Variants in RYR1 observed in about 807,000 individuals in gnomAD.
RYR1 encodes ryanodine receptor 1.
RYR1 carries 342 observed loss-of-function variants against 583.5 expected under a neutral mutation model. The observed-to-expected ratio is 0.59, with a 90% CI of 0.54 to 0.64. The LOEUF (loss-of-function observed/expected upper bound fraction) is 0.64, where lower values mean the gene tolerates loss of function less well. Ranked by LOEUF, RYR1 falls within the 30% of genes least tolerant of loss-of-function variation. The probability of loss-of-function intolerance (pLI) is 0.00; values close to 1 mark genes in which losing one functional copy is unlikely to be tolerated. For missense variants in RYR1, 6,032 were observed against 6,917.2 expected (o/e 0.87, Z 4.54); for synonymous variants, 2,791 against 2,822.5 (o/e 0.99, Z 0.35).
chr19:38,468,652 T>C (rs1310809303), intron 25 of RYR1, among the ~76,000 whole-genome samples: 1 of 152,222 alleles, frequency 6.6e-6, no homozygotes, highest in East Asian at 1.9e-4. Context: ...TTCCTTTCCA[T>C]CCCTCTACTT....
In RYR1 at chr19:38,473,629, G is replaced by A. The variant is rs1023831950; in HGVS notation, c.4018G>A (p.Gly1340Ser). Residue 1340 changes from glycine (G) to serine (S), a missense_variant, in exon 28 of 106, where the codon GGC becomes AGC. Gly to Ser is a moderately conservative substitution (Grantham distance 56, BLOSUM62 0). Transcript: ENST00000359596. ...DYENLRRSAG[G>S]WSEAENGKEG... ...CGAAAACCTGCGCCGCTCAGCTGGG[G>A]GCTGGAGCGAGGCAGAGAACGGCAA... The A allele has an allele frequency of 6.4e-7, 1 of 1,563,444 alleles. No homozygotes were observed. Among genetic ancestry groups the A allele is most frequent in the African/African-American group, 1.4e-5 (1 of 73,804 alleles).
rs193922760 is a variant in RYR1, at chr19:38,446,520, A to T, written c.680A>T (p.Asp227Val). The T allele has an allele frequency of 6.2e-7, 1 of 1,614,100 alleles. No homozygotes were observed. ...HVLRLFHGHM[D>V]ECLTISPADS... ...CTCCGCCTCTTTCATGGACATATGG[A>T]TGAGTGTCTGACCATTTCCCCTGCT... The change falls in exon 8 of 106, where the codon GAT becomes GTT. Residue 227 changes from aspartate (D) to valine (V), a missense_variant. This residue lies in a region of RYR1 where 338 missense variants were observed against 441.6 expected (regional missense o/e 0.77). Transcript: ENST00000359596.
At chr19:38,538,218 T>G (rs1326617749) in intron 84 of RYR1, among the ~76,000 whole-genome samples, 3 of 152,038 alleles carry the variant, frequency 2.0e-5, no homozygotes, top group African/African-American at 7.2e-5. Context: ...GCCAACATGG[T>G]GAAACCCCGT....
In RYR1 at chr19:38,577,307, A is replaced by G. The variant is rs1974002368; in HGVS notation, c.14173-611A>G. 2.0e-5 allele frequency among the ~76,000 whole-genome samples: 3 copies of G among 152,210 alleles called. No individual in the cohort carries two copies. In the South Asian group the frequency reaches 6.2e-4, roughly 31 times the overall value. ...ATGTACTACATGAGCAGTATCTGGC[A>G]TATAGGAGAACACTAGATATGTTGG... On this transcript the variant is annotated intron_variant, in intron 97 of 105. Transcript: ENST00000359596.
chr19:38,516,246 G>T, intron 65 of RYR1, 29 bp downstream of exon 65: 3 of 1,576,754 alleles, frequency 1.9e-6, no homozygotes, highest in East Asian at 2.3e-5. Flanking sequence ...GAGCAGTGCT[G>T]GGAGTCCAAA....
At chr19:38,446,065 A>G (rs1600648331) in intron 7 of RYR1, among the ~76,000 whole-genome samples, 1 of 152,076 alleles carries the variant, frequency 6.6e-6, no homozygotes, top group Admixed American at 6.6e-5. Flanking sequence ...CTCAGACCCA[A>G]CCATCACCCT....
rs923436076 is a variant in RYR1, at chr19:38,505,924, G to A, written c.8519G>A (p.Arg2840Gln). ...EEEKTEKKKT[R>Q]KISQSAQTYD... ...GAGAAGACGGAAAAGAAAAAAACGC[G>A]GAAGATATCACAAAGTGCCCAGGTG... The change falls in exon 54 of 106, where the codon CGG becomes CAG. Residue 2840 changes from arginine to glutamine, a missense_variant. Around this residue, in one of 11 missense-constraint regions of RYR1, gnomAD observed 1,493 missense variants for 1,715.5 expected, o/e 0.87. Coordinates refer to ENST00000359596, the MANE Select transcript of RYR1 (RefSeq NM_000540.3). The A allele has an allele frequency of 5.6e-6, 9 of 1,613,514 alleles. No individual in the cohort carries two copies. The highest frequency in any genetic ancestry group is 1.3e-5 in the African/African-American group (1 of 74,846).
chr19:38,466,658 C>T (rs535924488), intron 24 of RYR1, among the ~76,000 whole-genome samples: 61 of 152,150 alleles, frequency 4.0e-4, no homozygotes, highest in South Asian at 1.9e-3. Context: ...GGTGCCACCA[C>T]GCCTGGCTAA....
intron 101 of RYR1, among the ~76,000 whole-genome samples, chr19:38,583,780 A>G (rs1555804923): frequency 6.6e-6 from 1 of 151,590 alleles, no homozygotes; most frequent in Non-Finnish European, 1.5e-5. Flanking sequence ...GGCCTGACAT[A>G]CACACACACC....
In RYR1 at chr19:38,469,003, G is replaced by A. The variant is rs748318655; in HGVS notation, c.3419G>A (p.Arg1140His). 2.4e-5 allele frequency: 38 copies of A among 1,613,952 alleles called. No individual in the cohort carries two copies. The highest frequency in any genetic ancestry group is 4.0e-5 in the African/African-American group (3 of 74,888). ...CACTTGGGCAGTGAACCATTTGGGC[G>A]CCCCTGGCAGCCGGGCGATGTCGTT... ...RWHLGSEPFG[R>H]PWQPGDVVGC... is the part of the protein sequence containing the mutation. The change falls in exon 26 of 106, where the codon CGC (arginine) becomes CAC (histidine). Residue 1140 changes from arginine (R) to histidine (H), a missense_variant. By Grantham distance (29) the Arg-to-His change is conservative. Coordinates refer to ENST00000359596, the MANE Select transcript of RYR1 (RefSeq NM_000540.3).
chr19:38,469,238 C>T (rs1488289606), intron 26 of RYR1, 67 bp from the exon 27 acceptor site: 10 of 1,606,674 alleles, frequency 6.2e-6, no homozygotes, highest in African/African-American at 2.7e-5. Flanking sequence ...ATCCCTACCT[C>T]CTCCCCTCGG....
At position 38,496,580 on chromosome 19, in the gene RYR1, C is replaced by T. The variant is rs1568496780; in HGVS notation, c.6796+39C>T. 6.2e-7 allele frequency: 1 copy of T among 1,611,970 alleles called. No homozygotes were observed. Among genetic ancestry groups the T allele is most frequent in the Non-Finnish European group, 8.5e-7 (1 of 1,179,470 alleles). ...AGCCCAGGGGCTGTCCCCCAGAACC[C>T]ACTCCTGGCACCCCGTCCAGGCCTG... On this transcript the variant is annotated intron_variant, in intron 41 of 105. Coordinates refer to ENST00000359596, the MANE Select transcript of RYR1 (RefSeq NM_000540.3). This position sits in a 1 kb window ranked among gnomAD's most constrained non-coding sequence, Gnocchi z 4.8.
In RYR1 at chr19:38,528,637, C is replaced by T; in HGVS notation, c.10976C>T (p.Ala3659Val). 1.2e-6 allele frequency: 2 copies of T among 1,614,168 alleles called. No homozygotes were observed. Among genetic ancestry groups the T allele is most frequent in the Non-Finnish European group, 1.7e-6 (2 of 1,180,024 alleles). The change falls in exon 75 of 106, where the codon GCT (alanine) becomes GTT (valine). Residue 3659 changes from alanine to valine, a missense_variant. Around this residue, in one of 11 missense-constraint regions of RYR1, gnomAD observed 1,493 missense variants for 1,715.5 expected, o/e 0.87. Transcript: ENST00000359596. ...ACNMFLESYK[A>V]AWILTEDHSF... is the part of the protein sequence containing the mutation. ...AACATGTTCCTGGAGAGCTACAAGG[C>T]TGCATGGATCCTGACTGAAGACCAC... is the stretch of plus-strand genomic sequence containing the variant.
rs982977392 is a variant in RYR1 at position 38,460,724 on chromosome 19, G to A, written c.2577+133G>A. The A allele has an allele frequency of 3.5e-6, 3 of 867,066 alleles. No individual in the cohort carries two copies. The African/African-American group carries it at 5.0e-5, about 14-fold the overall frequency. 53.7% of individuals were successfully genotyped at this position (867,066 alleles called of 1,614,324 possible). ...CAGGCGTGGTGGCTCACGCCTGTAAGCCCAGCAATTTGGGAGGCCGAGGCG... is the reference window on the plus strand; with the variant it reads ...CAGGCGTGGTGGCTCACGCCTGTAAACCCAGCAATTTGGGAGGCCGAGGCG... On this transcript the variant is annotated intron_variant, in intron 20 of 105. Coordinates refer to ENST00000359596, the MANE Select transcript of RYR1 (RefSeq NM_000540.3).
chr19:38,449,159 G>A (rs980196826), intron 11 of RYR1, among the ~76,000 whole-genome samples: 2 of 152,068 alleles, frequency 1.3e-5, no homozygotes, highest in African/African-American at 4.8e-5. Context: ...GAAAGATAGA[G>A]ACAGAGAAAC....
At chr19:38,573,911 C>A (rs112358948) in intron 96 of RYR1, among the ~76,000 whole-genome samples, 1 of 152,024 alleles carries the variant, frequency 6.6e-6, no homozygotes, top group African/African-American at 2.4e-5. Flanking sequence ...ACCCTGTCTC[C>A]AGGTGTGATT....
rs958008121 is a variant in RYR1, at chr19:38,561,822, C to T, written c.12624+368C>T. On this transcript the variant is annotated intron_variant, in intron 90 of 105. Transcript: ENST00000359596. This position sits in a 1 kb window ranked among gnomAD's most constrained non-coding sequence, Gnocchi z 4.8. ...AGCCCTACCCACACTCTCACCTCCT[C>T]GAACCTGCATGGCGACACACCCCTT... Among the ~76,000 whole-genome samples the T allele has an allele frequency of 6.6e-6, 1 of 152,090 alleles. No individual in the cohort carries two copies. Among genetic ancestry groups the T allele is most frequent in the Non-Finnish European group, 1.5e-5 (1 of 67,996 alleles).
chr19:38,504,430 T>G lies in RYR1; in HGVS notation c.8067+70T>G, dbSNP rs1970346080. On this transcript the variant is annotated intron_variant, in intron 50 of 105. Coordinates refer to ENST00000359596, the MANE Select transcript of RYR1 (RefSeq NM_000540.3). ...GGGGCCCAAAATTGGGGGTCCAGAG[T>G]GAAATCCCTCAATTTTGGGGGGTTC... The G allele has an allele frequency of 2.5e-6, 4 of 1,577,558 alleles. No individual in the cohort carries two copies. In the South Asian group the frequency reaches 4.6e-5, roughly 18 times the overall value.
chr19:38,504,826 G>T lies in RYR1; in HGVS notation c.8146G>T (p.Asp2716Tyr). Residue 2716 changes from aspartate to tyrosine, a missense_variant, in exon 51 of 106, where the codon GAT (aspartate) becomes TAT (tyrosine). Asp to Tyr is a radical substitution (Grantham distance 160, BLOSUM62 -3). Transcript: ENST00000359596. ...IAGALPPDYV[D>Y]ASYSSKAEKK... ...CGGGGCTCTGCCCCCCGACTATGTG[G>T]ATGCCTCATACTCATCTAAGGCAGA... 6 of 1,614,102 alleles carry T rather than the reference G, an allele frequency of 3.7e-6. No homozygotes were observed. Among genetic ancestry groups the T allele is most frequent in the Non-Finnish European group, 5.1e-6 (6 of 1,179,972 alleles).
Sources: allele counts gnomAD v4.1 joint callset (sites outside exome capture counted in the v4.1 genomes callset), GRCh38; gene constraint gnomAD v4.1.1; regional missense constraint gnomAD v4.1.1; non-coding constraint Gnocchi (gnomAD v3.1); transcripts MANE v1.5; gene names NCBI Gene and HGNC (gene_info 2026-07-23, HGNC 2026-07-21).